Variants in TRABD2B observed in about 807,000 individuals in gnomAD.
TRABD2B encodes the protein metalloprotease TIKI2.
In TRABD2B, 14 loss-of-function variants were observed where a neutral mutation model predicts 40.1. The ratio of observed to expected loss-of-function variants is 0.35; its 90% confidence interval spans 0.23 to 0.55. The LOEUF (loss-of-function observed/expected upper bound fraction) is 0.55, where lower values mean the gene tolerates loss of function less well. Among genes scored for constraint, TRABD2B ranks in the 20% least tolerant of loss-of-function variants. The probability of loss-of-function intolerance (pLI) is 0.90; values close to 1 mark genes in which losing one functional copy is unlikely to be tolerated. For synonymous variants in TRABD2B, 263 were observed against 277.0 expected (o/e 0.95, Z 0.50); for missense variants, 541 against 648.6 (o/e 0.83, Z 1.80).
chr1:47,835,129 G>T, intron 2 of TRABD2B, among the ~76,000 whole-genome samples: 1 of 152,216 alleles, frequency 6.6e-6, no homozygotes. Context: ...TTCACATATT[G>T]TATAGTTGAA....
At chr1:47,880,660 G>A (rs1644290476) in intron 2 of TRABD2B, among the ~76,000 whole-genome samples, 1 of 152,188 alleles carries the variant, frequency 6.6e-6, no homozygotes, top group Non-Finnish European at 1.5e-5. Flanking sequence ...GTTCTCCTCT[G>A]CCCCTCCGTG....
chr1:47,850,384 A>G (rs970310253), intron 2 of TRABD2B, among the ~76,000 whole-genome samples: 2 of 152,250 alleles, frequency 1.3e-5, no homozygotes, highest in African/African-American at 4.8e-5. Context: ...GAAACTGAGG[A>G]AAGGCCCCTA....
intron 1 of TRABD2B, among the ~76,000 whole-genome samples, chr1:47,995,278 C>T (rs1383859724): frequency 2.0e-5 from 3 of 152,108 alleles, no homozygotes; most frequent in Non-Finnish European, 4.4e-5. Flanking sequence ...CTTTGCTCGA[C>T]CAGCTGAGAC....
chr1:47,920,206 A>C (rs1026531430), intron 2 of TRABD2B, among the ~76,000 whole-genome samples: 2 of 152,188 alleles, frequency 1.3e-5, no homozygotes, highest in African/African-American at 4.8e-5. Context: ...AATCAGAGGC[A>C]GGTGTTATAA....
At chr1:47,792,578 G>C (rs965161864) in intron 4 of TRABD2B, among the ~76,000 whole-genome samples, 5 of 152,222 alleles carry the variant, frequency 3.3e-5, no homozygotes, top group African/African-American at 1.2e-4. Flanking sequence ...TGGCATGCCT[G>C]TGTGCTGGCC....
intron 2 of TRABD2B, among the ~76,000 whole-genome samples, chr1:47,869,256 CTAAA>C (rs1644106268): frequency 6.6e-6 from 1 of 152,100 alleles, no homozygotes; most frequent in African/African-American, 2.4e-5. Flanking sequence ...TAAAATTTTA[CTAAA>C]TAAATGGACA....
At chr1:47,768,901 CTT>C (rs1644341575) in intron 6 of TRABD2B, among the ~76,000 whole-genome samples, 1 of 152,228 alleles carries the variant, frequency 6.6e-6, no homozygotes, top group African/African-American at 2.4e-5. Context: ...GCTTGAAGGA[CTT>C]CAGATTTCTT....
chr1:47,977,342 A>G (rs1645771036), intron 2 of TRABD2B, among the ~76,000 whole-genome samples: 1 of 152,152 alleles, frequency 6.6e-6, no homozygotes, highest in South Asian at 2.1e-4. Flanking sequence ...AAGGTTCTGG[A>G]ATAACAGGTG....
intron 2 of TRABD2B, among the ~76,000 whole-genome samples, chr1:47,932,722 G>A (rs979654334): frequency 7.2e-5 from 11 of 152,300 alleles, no homozygotes; most frequent in Non-Finnish European, 1.2e-4. Context: ...TCAAAGAGGA[G>A]AAGCCACAGG....
chr1:47,789,373 ATG>A (rs1440693217), intron 4 of TRABD2B, among the ~76,000 whole-genome samples: 2 of 152,166 alleles, frequency 1.3e-5, no homozygotes, highest in African/African-American at 4.8e-5. Flanking sequence ...TGTAGCTGGC[ATG>A]TGCCCTAATC....
At chr1:47,877,510 A>G (rs1392212630) in intron 2 of TRABD2B, among the ~76,000 whole-genome samples, 1 of 152,166 alleles carries the variant, frequency 6.6e-6, no homozygotes, top group Non-Finnish European at 1.5e-5. Context: ...TGTTGTGAAC[A>G]CAGGGATTAG....
At chr1:47,787,805 A>G (rs565852770) in intron 4 of TRABD2B, among the ~76,000 whole-genome samples, 1 of 148,394 alleles carries the variant, frequency 6.7e-6, no homozygotes, top group Non-Finnish European at 1.5e-5. Context: ...TTCATTCAAC[A>G]AGTGGGTAAT....
rs1207094720 is a variant in TRABD2B, at chr1:47,994,950, G to T, written c.103-353C>A. Among the ~76,000 whole-genome samples the T allele has an allele frequency of 1.3e-5, 2 of 152,174 alleles. No individual in the cohort carries two copies. The highest frequency in any genetic ancestry group is 3.8e-4 in the East Asian group (2 of 5,198). Reference sequence around the variant, plus strand: ...AGGTACAGAGGAAGTCAGCAATGAAGGGAAACTCTCATGATTAGCGTTCCC... The same window carrying T: ...AGGTACAGAGGAAGTCAGCAATGAATGGAAACTCTCATGATTAGCGTTCCC... On this transcript the variant is annotated intron_variant, in intron 1 of 6. Coordinates refer to ENST00000606738, the MANE Select transcript of TRABD2B (RefSeq NM_001194986.2). The surrounding 1 kb of genome is among the most constrained non-coding windows in gnomAD (Gnocchi z 6.7).
At chr1:47,940,999 ACC>A (rs1645179288) in intron 2 of TRABD2B, among the ~76,000 whole-genome samples, 1 of 152,094 alleles carries the variant, frequency 6.6e-6, no homozygotes, top group Non-Finnish European at 1.5e-5. Flanking sequence ...ACCCACACTT[ACC>A]CACTCCCGAC....
chr1:47,898,162 G>C (rs988511468), intron 2 of TRABD2B, among the ~76,000 whole-genome samples: 5 of 152,162 alleles, frequency 3.3e-5, no homozygotes, highest in African/African-American at 1.2e-4. Context: ...TAAGCTACTG[G>C]TGAGGAATGT....
intron 2 of TRABD2B, among the ~76,000 whole-genome samples, chr1:47,992,353 AT>A (rs1395864667): frequency 1.3e-5 from 2 of 152,214 alleles, no homozygotes; most frequent in Non-Finnish European, 2.9e-5. Context: ...CAAAGCCATC[AT>A]TTGGTTGAAC....
At chr1:47,906,930 T>C (rs1644686667) in intron 2 of TRABD2B, among the ~76,000 whole-genome samples, 1 of 152,200 alleles carries the variant, frequency 6.6e-6, no homozygotes, top group Admixed American at 6.5e-5. Context: ...GGCACAATGT[T>C]AGAAAACACA....
At chr1:47,910,309 C>T (rs1644745324) in intron 2 of TRABD2B, among the ~76,000 whole-genome samples, 1 of 152,130 alleles carries the variant, frequency 6.6e-6, no homozygotes, top group Non-Finnish European at 1.5e-5. Context: ...ACAATAACTC[C>T]AATTCATCCT....
intron 2 of TRABD2B, among the ~76,000 whole-genome samples, chr1:47,941,024 T>A (rs1277366813): frequency 6.6e-6 from 1 of 152,148 alleles, no homozygotes; most frequent in Non-Finnish European, 1.5e-5. Flanking sequence ...GCTGGCTGTC[T>A]CTGTCCCAAA....
Sources: allele counts gnomAD v4.1 joint callset (sites outside exome capture counted in the v4.1 genomes callset), GRCh38; gene constraint gnomAD v4.1.1; non-coding constraint Gnocchi (gnomAD v3.1); transcripts MANE v1.5; gene names NCBI Gene and HGNC (gene_info 2026-07-23, HGNC 2026-07-21).